The following NBN variants were observed in gnomAD, a reference collection of about 807,000 sequenced individuals.
NBN encodes the protein nibrin, also known as Nijmegen breakage syndrome 1 (nibrin).
In NBN, 88 loss-of-function variants were observed where a neutral mutation model predicts 90.8. That is an observed-to-expected ratio of 0.97 (90% CI 0.82 to 1.16). The LOEUF is 1.16. Ranked by LOEUF, NBN falls within the 50% of genes most tolerant of loss-of-function variation. The pLI is 0.00. For missense variants in NBN, 894 were observed against 869.6 expected, an observed-to-expected ratio of 1.03 and a Z score of -0.35; for synonymous variants, 328 against 295.1, an observed-to-expected ratio of 1.11 and a Z score of -1.14.
intron 12 of NBN, among the ~76,000 whole-genome samples, chr8:89,946,912 CA>C (rs1267871087): frequency 6.6e-6 from 1 of 152,126 alleles, no homozygotes; most frequent in Non-Finnish European, 1.5e-5. Flanking sequence ...GGCTTCGTGT[CA>C]TTTACTATTA....
intron 5 of NBN, among the ~76,000 whole-genome samples, chr8:89,971,641 C>A (rs980753747): frequency 3.3e-5 from 5 of 152,164 alleles, no homozygotes; most frequent in African/African-American, 1.2e-4. Context: ...AGATCAAATT[C>A]TATTAGCATC....
At chr8:89,947,199 CA>C (rs1442339331) in intron 12 of NBN, among the ~76,000 whole-genome samples, 1 of 152,202 alleles carries the variant, frequency 6.6e-6, no homozygotes, top group African/African-American at 2.4e-5. Flanking sequence ...AGAAAAGCAT[CA>C]ACCTCATTTT....
intron 7 of NBN, 172 bp from the exon 8 acceptor site, chr8:89,964,679 T>G: frequency 5.3e-6 from 1 of 189,920 alleles, no homozygotes; most frequent in Non-Finnish European, 9.8e-6. Context: ...CACTGTTACG[T>G]TGACAAGTCT....
chr8:89,956,197 GAA>G (rs71560248), intron 9 of NBN, among the ~76,000 whole-genome samples: 2 of 141,142 alleles, frequency 1.4e-5, no homozygotes, highest in Admixed American at 7.1e-5. Context: ...TTATTTTACA[GAA>G]AAAAAAAAAA....
chr8:89,984,515 C>G lies in NBN; in HGVS notation c.37+10G>C, dbSNP rs369408590. On this transcript the variant is annotated intron_variant, in intron 1 of 15. Transcript: ENST00000265433. ...GAAAATAGGCCCCGAGGCTTCCCTT[C>G]TGCCCTTACCTCCTGCCGGGCCCGC... 117 of 1,612,208 alleles carry G rather than the reference C, an allele frequency of 7.3e-5. No individual in the cohort carries two copies. In the Middle Eastern group the frequency reaches 9.9e-4, roughly 14 times the overall value.
At chr8:89,957,083 T>C (rs544867174) in intron 9 of NBN, among the ~76,000 whole-genome samples, 13 of 152,232 alleles carry the variant, frequency 8.5e-5, no homozygotes, top group Non-Finnish European at 7.3e-5. Flanking sequence ...CTTTTTATCA[T>C]TAGAATGTAC....
chr8:89,965,316 G>T (rs541888420), intron 7 of NBN, among the ~76,000 whole-genome samples: 49 of 152,234 alleles, frequency 3.2e-4, no homozygotes, highest in African/African-American at 9.9e-4. Context: ...AAATTTACAA[G>T]TATTAAGGTA....
intron 10 of NBN, 57 bp from the exon 11 acceptor site, chr8:89,953,748 C>T: frequency 4.3e-6 from 6 of 1,389,104 alleles, no homozygotes; most frequent in Non-Finnish European, 5.0e-6. Context: ...AGCTAAGTAA[C>T]CATTTAGTTT....
chr8:89,984,172 G>A, intron 1 of NBN: 1 of 428,438 alleles, frequency 2.3e-6, no homozygotes, highest in East Asian at 4.3e-5. Flanking sequence ...CTAACTTCCT[G>A]CCGGGGGTTC....
intron 14 of NBN, among the ~76,000 whole-genome samples, chr8:89,938,612 A>T (rs1200813217): frequency 6.6e-6 from 1 of 152,144 alleles, no homozygotes. Context: ...ACTCAGATGG[A>T]ATAGCTGGGA....
chr8:89,958,462 C>A (rs139684583), intron 9 of NBN, among the ~76,000 whole-genome samples: 1 of 152,150 alleles, frequency 6.6e-6, no homozygotes, highest in Non-Finnish European at 1.5e-5. Context: ...GACTACATAT[C>A]GTCTATGGCC....
intron 14 of NBN, among the ~76,000 whole-genome samples, chr8:89,939,186 C>A (rs1809823218): frequency 6.6e-6 from 1 of 151,638 alleles, no homozygotes; most frequent in Admixed American, 6.6e-5. Context: ...GGGTCTGCAG[C>A]AGAGGTAGAG....
At chr8:89,984,497 G>C (rs768230674) in intron 1 of NBN, 28 bp downstream of exon 1, 10 of 1,603,006 alleles carry the variant, frequency 6.2e-6, no homozygotes, top group Non-Finnish European at 6.8e-6. Flanking sequence ...CGGGAAAATA[G>C]GCCCCGAGGC....
intron 5 of NBN, 38 bp from the exon 6 acceptor site, chr8:89,971,328 A>T: frequency 6.4e-7 from 1 of 1,562,466 alleles, no homozygotes. Context: ...ATTATATACT[A>T]CTATGTTTGC....
In NBN at chr8:89,946,204, G is replaced by A. The variant is rs2129647276; in HGVS notation, c.2006C>T (p.Ser669Phe). The change falls in exon 13 of 16, where the codon TCC becomes TTC. Residue 669 changes from serine (S) to phenylalanine (F), a missense_variant. Transcript: ENST00000265433. The stretch of plus-strand genomic sequence containing the variant: ...ATCATTTATGCCAGATGGATTTCTG[G>A]AAGTAGAGTTTTTAATCACCAGTGA... The part of the protein sequence containing the change: ...FRSLVIKNST[S>F]RNPSGINDDY... The A allele has an allele frequency of 6.2e-7, 1 of 1,601,470 alleles. No homozygotes were observed. The highest frequency in any genetic ancestry group is 8.6e-7 in the Non-Finnish European group (1 of 1,169,030).
In NBN at chr8:89,953,639, C is replaced by G. The variant is rs1323759953; in HGVS notation, c.1450G>C (p.Glu484Gln). 6.2e-7 allele frequency: 1 copy of G among 1,612,836 alleles called. No homozygotes were observed. ...EMSSCKSARI[E>Q]TSCSLLEQTQ... The stretch of plus-strand genomic sequence containing the variant: ...TGTTCTAAAAGAGAACAAGACGTTT[C>G]TATTCTTGCTGATTTGCATGAAGAC... Residue 484 changes from glutamate (E) to glutamine (Q), a missense_variant, in exon 11 of 16, where the codon GAA becomes CAA. Transcript: ENST00000265433.
intron 12 of NBN, chr8:89,946,605 A>C: frequency 3.3e-6 from 1 of 302,900 alleles, no homozygotes; most frequent in Non-Finnish European, 6.3e-6. Flanking sequence ...TAAACAATTT[A>C]CCTCCAGATA....
In NBN at chr8:89,980,731, T is replaced by C. The variant is rs756817252; in HGVS notation, c.480+3A>G. ...TAACATAAGAACAAGACATTCAACC[T>C]ACTTTAATGGTAACTTTCACTGATA... On this transcript the variant is annotated splice_donor_region_variant and intron_variant, in intron 4 of 15. Transcript: ENST00000265433. 4 of 1,607,758 alleles carry C rather than the reference T, an allele frequency of 2.5e-6. No homozygotes were observed. Among genetic ancestry groups the C allele is most frequent in the Non-Finnish European group, 3.4e-6 (4 of 1,174,418 alleles).
chr8:89,981,721 C>A (rs1215587449), intron 2 of NBN, 198 bp from the exon 3 acceptor site: 1 of 612,624 alleles, frequency 1.6e-6, no homozygotes, highest in Non-Finnish European at 2.8e-6. Flanking sequence ...GTTTCTTAAC[C>A]CAGGAATACC....
Sources: allele counts gnomAD v4.1 joint callset (sites outside exome capture counted in the v4.1 genomes callset), GRCh38; gene constraint gnomAD v4.1.1; transcripts MANE v1.5; gene names NCBI Gene and HGNC (gene_info 2026-07-23, HGNC 2026-07-21).